The following ITGA8 variants were observed in gnomAD, a reference collection of about 807,000 sequenced individuals.
ITGA8 encodes the protein integrin alpha-8.
Under a neutral mutation model 142.3 loss-of-function variants are expected in ITGA8, and 91 were observed. The ratio of observed to expected loss-of-function variants is 0.64; its 90% CI spans 0.54 to 0.76. The LOEUF is 0.76. Among genes scored for constraint, ITGA8 ranks in the 30% least tolerant of loss-of-function variants. ITGA8 has a pLI of 0.00. For synonymous variants in ITGA8, 505 were observed against 485.2 expected (o/e 1.04, Z -0.54); for missense variants, 1,406 against 1,327.7 (o/e 1.06, Z -0.92).
At chr10:15,713,401 G>T (rs1332316299) in intron 2 of ITGA8, among the ~76,000 whole-genome samples, 4 of 152,120 alleles carry the variant, frequency 2.6e-5, no homozygotes, top group Middle Eastern at 3.2e-3. Flanking sequence ...AAAAGAGGAG[G>T]TTATCTTTGG....
At chr10:15,589,651 C>T (rs1457168748) in intron 22 of ITGA8, among the ~76,000 whole-genome samples, 2 of 152,086 alleles carry the variant, frequency 1.3e-5, no homozygotes, top group South Asian at 2.1e-4. Context: ...CAAAACCATC[C>T]ATTTAGATCC....
Position 15,688,016 on chromosome 10 carries a change from A to G in ITGA8, c.366T>C (p.Asn122=). The G allele has an allele frequency of 1.9e-6, 3 of 1,611,618 alleles. No individual in the cohort carries two copies. Among genetic ancestry groups the G allele is most frequent in the Non-Finnish European group, 2.5e-6 (3 of 1,177,704 alleles). ...DTTNNRKIRV[N]GTKEPIEFKS... ...TGAACTCGATAGGTTCTTTGGTTCC[A>G]TTAACTCTGATCTTTCTGTTGTCTG... Residue 122 remains asparagine, a synonymous_variant, in exon 3 of 30, where the codon AAT becomes AAC. Coordinates refer to ENST00000378076, the MANE Select transcript of ITGA8 (RefSeq NM_003638.3).
intron 20 of ITGA8, among the ~76,000 whole-genome samples, chr10:15,602,584 A>G (rs1013058287): frequency 6.6e-6 from 1 of 152,162 alleles, no homozygotes; most frequent in South Asian, 2.1e-4. Flanking sequence ...CAGAAAATAC[A>G]AAAATTAGCC....
chr10:15,610,811 C>T (rs1329641726), intron 15 of ITGA8, among the ~76,000 whole-genome samples: 1 of 152,222 alleles, frequency 6.6e-6, no homozygotes, highest in Non-Finnish European at 1.5e-5. Flanking sequence ...CACACAGTCA[C>T]TCACATCTGA....
At chr10:15,672,511 A>T in intron 7 of ITGA8, 113 bp downstream of exon 7, 1 of 1,285,678 alleles carries the variant, frequency 7.8e-7, no homozygotes, top group Non-Finnish European at 1.1e-6. Flanking sequence ...TAATAAGAGA[A>T]CATTTGTATA....
rs748998159 is a variant in ITGA8 at position 15,719,546 on chromosome 10, C to A, written c.209+17G>T. On this transcript the variant is annotated intron_variant, in intron 1 of 29. Coordinates refer to ENST00000378076, the MANE Select transcript of ITGA8 (RefSeq NM_003638.3). ...GCCTTCGTCCCCGCGCGCACCTCCC[C>A]GGGTCGGGCGACTTACGTGCGGGCG... 2 of 1,541,376 alleles carry A rather than the reference C, an allele frequency of 1.3e-6. No homozygotes were observed. Among genetic ancestry groups the A allele is most frequent in the Non-Finnish European group, 8.7e-7 (1 of 1,154,492 alleles).
chr10:15,700,392 C>T (rs1835140408), intron 2 of ITGA8, among the ~76,000 whole-genome samples: 1 of 152,194 alleles, frequency 6.6e-6, no homozygotes, highest in South Asian at 2.1e-4. Context: ...TGAACACACC[C>T]AGCATTTTCA....
intron 2 of ITGA8, among the ~76,000 whole-genome samples, chr10:15,716,673 T>TA (rs985598002): frequency 4.0e-5 from 6 of 148,766 alleles, no homozygotes; most frequent in African/African-American, 1.5e-4. Context: ...CTATTGTATT[T>TA]TTTTTTTTTT....
At chr10:15,555,342 T>A (rs1374957254) in intron 26 of ITGA8, among the ~76,000 whole-genome samples, 1 of 152,216 alleles carries the variant, frequency 6.6e-6, no homozygotes, top group Non-Finnish European at 1.5e-5. Context: ...ATACTGTCTG[T>A]GATGAGTTCA....
chr10:15,691,697 G>A (rs1345604500), intron 2 of ITGA8, among the ~76,000 whole-genome samples: 1 of 152,160 alleles, frequency 6.6e-6, no homozygotes, highest in African/African-American at 2.4e-5. Context: ...CCAGAGGCTG[G>A]GGAGGGCAGA....
intron 8 of ITGA8, among the ~76,000 whole-genome samples, chr10:15,664,849 T>A (rs1171703421): frequency 6.6e-6 from 1 of 152,112 alleles, no homozygotes; most frequent in Non-Finnish European, 1.5e-5. Context: ...CATGAACTCA[T>A]CCTTTTTATG....
At chr10:15,572,938 T>C (rs537511166) in intron 24 of ITGA8, among the ~76,000 whole-genome samples, 5 of 152,222 alleles carry the variant, frequency 3.3e-5, no homozygotes, top group African/African-American at 4.8e-5. Context: ...AAAGGCCACA[T>C]CTCATAAAGA....
At chr10:15,559,198 A>T (rs1196259515) in intron 25 of ITGA8, among the ~76,000 whole-genome samples, 2 of 152,252 alleles carry the variant, frequency 1.3e-5, no homozygotes, top group Non-Finnish European at 2.9e-5. Flanking sequence ...TGGCACACAC[A>T]GGTCCTCACA....
At chr10:15,572,970 G>A (rs1009711214) in intron 24 of ITGA8, among the ~76,000 whole-genome samples, 2 of 152,152 alleles carry the variant, frequency 1.3e-5, no homozygotes, top group African/African-American at 2.4e-5. Flanking sequence ...TTTAACACGT[G>A]AATCCTATAC....
At chr10:15,622,606 A>ACAAAAC (rs75552765) in intron 13 of ITGA8, among the ~76,000 whole-genome samples, 1 of 142,130 alleles carries the variant, frequency 7.0e-6, no homozygotes. Context: ...ACAAAACAAA[A>ACAAAAC]AAAAAACCAC....
At chr10:15,518,718 A>G (rs1833006100) in intron 29 of ITGA8, among the ~76,000 whole-genome samples, 1 of 152,186 alleles carries the variant, frequency 6.6e-6, no homozygotes, top group Non-Finnish European at 1.5e-5. Context: ...CCTCAGTAAA[A>G]CACATCAAAG....
intron 2 of ITGA8, among the ~76,000 whole-genome samples, chr10:15,712,507 A>C (rs1835380530): frequency 6.6e-6 from 1 of 152,226 alleles, no homozygotes; most frequent in African/African-American, 2.4e-5. Flanking sequence ...AGGCTGAGGC[A>C]GGAGAATCAT....
chr10:15,558,148 T>C lies in ITGA8; in HGVS notation c.2692A>G (p.Thr898Ala). Residue 898 changes from threonine (T) to alanine (A), a missense_variant, in exon 26 of 30, where the codon ACT becomes GCT. Coordinates refer to ENST00000378076, the MANE Select transcript of ITGA8 (RefSeq NM_003638.3). ...PELSAFLRNS[T>A]IPHLVRKRDV... ...CTCTTCCTGACAAGATGAGGAATAG[T>C]AGAGTTTCGCAAAAAGGCGCTGAGC... The C allele has an allele frequency of 1.9e-6, 3 of 1,614,202 alleles. No homozygotes were observed. The highest frequency in any genetic ancestry group is 2.5e-6 in the Non-Finnish European group (3 of 1,180,034).
intron 2 of ITGA8, among the ~76,000 whole-genome samples, chr10:15,694,276 C>CATATATATGATAACAT (rs1393014130): frequency 6.6e-5 from 6 of 91,512 alleles, no homozygotes; most frequent in African/African-American, 2.2e-4. Flanking sequence ...GATAATATAT[C>CATATATATGATAACAT]ATACATCAGA....
Sources: gnomAD v4.1 joint callset for allele counts (sites outside exome capture counted in the v4.1 genomes callset) on GRCh38, gnomAD v4.1.1 for gene constraint, MANE v1.5 for transcripts, NCBI Gene and HGNC (gene_info 2026-07-23, HGNC 2026-07-21) for gene names.